The following ADAD1 variants were observed in gnomAD, a reference collection of about 807,000 sequenced individuals.
ADAD1 encodes adenosine deaminase domain-containing protein 1.
Under a neutral mutation model 66.8 loss-of-function variants are expected in ADAD1, and 46 were observed. The ratio of observed to expected loss-of-function variants is 0.69; its 90% confidence interval spans 0.54 to 0.88. ADAD1 has a LOEUF of 0.88. Ranked by LOEUF, ADAD1 falls within the 40% of genes least tolerant of loss-of-function variation. The probability of loss-of-function intolerance (pLI) is 0.00; values close to 1 mark genes in which losing one functional copy is unlikely to be tolerated. For synonymous variants in ADAD1, 248 were observed against 229.4 expected (o/e 1.08, Z -0.73); for missense variants, 617 against 681.8 (o/e 0.91, Z 1.06).
intron 10 of ADAD1, among the ~76,000 whole-genome samples, chr4:122,414,804 C>A (rs1055417951): frequency 3.3e-5 from 5 of 152,090 alleles, no homozygotes; most frequent in African/African-American, 1.2e-4. Flanking sequence ...AGTAACATTG[C>A]ATCTTTTTGA....
chr4:122,412,503 A>C, intron 9 of ADAD1, 77 bp from the exon 10 acceptor site: 49 of 1,150,992 alleles, frequency 4.3e-5, no homozygotes, highest in Middle Eastern at 2.5e-4. Context: ...ATGTTACAGA[A>C]CAGCTGTTAG....
chr4:122,380,368 T>C, intron 3 of ADAD1, 127 bp downstream of exon 3: 2 of 1,131,668 alleles, frequency 1.8e-6, no homozygotes, highest in Non-Finnish European at 1.2e-6. Context: ...GCCGTGTACC[T>C]GGAGCTGGCA....
chr4:122,411,995 G>A (rs1796487705), intron 9 of ADAD1, among the ~76,000 whole-genome samples: 1 of 152,044 alleles, frequency 6.6e-6, no homozygotes, highest in Admixed American at 6.6e-5. Context: ...TTGCTTTGAT[G>A]AATGAATATC....
chr4:122,413,851 C>CATATATATATATATATAT lies in ADAD1; in HGVS notation c.1249+1051_1249+1068dup, dbSNP rs377322878. Among the ~76,000 whole-genome samples the CATATATATATATATATAT allele has an allele frequency of 4.2e-3, 527 of 126,488 alleles. 13 individuals are homozygous for CATATATATATATATATAT. Among genetic ancestry groups the CATATATATATATATATAT allele is most frequent in the Middle Eastern group, 0.012 (3 of 242 alleles). The allele number at this position is 126,488 out of a possible 152,430, so 83.0% of individuals were successfully genotyped here. A position where few individuals can be genotyped will look rare whatever the true frequency, so the allele number is the denominator to read the frequency against. ...TTTCACGCTGCTGCTTATGATAGAT[C>CATATATATATATATATAT]ATATATATATATATATATATATATA... On this transcript the variant is annotated intron_variant, in intron 10 of 12. Coordinates refer to ENST00000296513, the MANE Select transcript of ADAD1 (RefSeq NM_139243.4).
intron 10 of ADAD1, among the ~76,000 whole-genome samples, chr4:122,415,039 A>G (rs536700873): frequency 6.6e-6 from 1 of 152,276 alleles, no homozygotes; most frequent in African/African-American, 2.4e-5. Context: ...AAATCAGCAT[A>G]CAATGCGGTC....
Position 122,383,914 on chromosome 4 carries a change from T to C in ADAD1, c.477T>C (p.Leu159=), listed in dbSNP as rs1460170294. 2 of 1,613,922 alleles carry C rather than the reference T, an allele frequency of 1.2e-6. No individual in the cohort carries two copies. The highest frequency in any genetic ancestry group is 1.7e-5 in the Admixed American group (1 of 60,002). The change falls in exon 5 of 13, where the codon CTT becomes CTC. Residue 159 remains leucine, a synonymous_variant. Coordinates refer to ENST00000296513, the MANE Select transcript of ADAD1 (RefSeq NM_139243.4). ...ESRSNAAKLA[L]DELLQLDEPE... ...GATCCAATGCAGCAAAATTAGCTCT[T>C]GATGAGCTTCTACAACTGGATGAAC...
In ADAD1 at chr4:122,415,570, G is replaced by T. The variant is rs184368644; in HGVS notation, c.1441G>T (p.Val481Phe). 9.2e-5 allele frequency: 148 copies of T among 1,613,892 alleles called. 1 individual carries two copies. The East Asian group carries it at 3.1e-3, about 34-fold the overall frequency. ...GAGTCTGAATTGGGCACAAGGAGATGTTTCTTTGGAGATTGTGGATGGCCT... is the reference window on the plus strand; with the variant it reads ...GAGTCTGAATTGGGCACAAGGAGATTTTTCTTTGGAGATTGTGGATGGCCT... ...FLSLNWAQGD[V>F]SLEIVDGLSG... The change falls in exon 11 of 13, where the codon GTT becomes TTT. Residue 481 changes from valine (V) to phenylalanine (F), a missense_variant. Physicochemically the swap from Val to Phe is conservative, Grantham distance 50. Transcript: ENST00000296513.
In ADAD1 at chr4:122,422,310, A is replaced by G. The variant is rs138465598; in HGVS notation, c.1617+920A>G. 8.5e-3 allele frequency among the ~76,000 whole-genome samples: 1,286 copies of G among 152,186 alleles called. 22 individuals are homozygous for G. Among genetic ancestry groups the G allele is most frequent in the African/African-American group, 0.03 (1,239 of 41,510 alleles). ...GGGCTAATTTTTGTACTTTCAGTAG[A>G]GACGGGGTTTCGCCATGTTGGCCGG... On this transcript the variant is annotated intron_variant, in intron 12 of 12. Transcript: ENST00000296513.
intron 4 of ADAD1, among the ~76,000 whole-genome samples, chr4:122,383,427 T>C (rs1795000416): frequency 6.6e-6 from 1 of 152,234 alleles, no homozygotes; most frequent in African/African-American, 2.4e-5. Flanking sequence ...GTTTTAAAGA[T>C]GTGAGATGTT....
chr4:122,393,750 T>C, intron 6 of ADAD1, 93 bp downstream of exon 6: 1 of 946,662 alleles, frequency 1.1e-6, no homozygotes, highest in Non-Finnish European at 1.5e-6. Flanking sequence ...TATGAAAATG[T>C]ACATTAACAC....
intron 12 of ADAD1, among the ~76,000 whole-genome samples, chr4:122,428,559 C>A (rs1343058647): frequency 1.3e-5 from 2 of 152,140 alleles, no homozygotes; most frequent in African/African-American, 2.4e-5. Context: ...GAATATTATA[C>A]CCCTGCAATG....
chr4:122,412,185 A>G (rs1162157186), intron 9 of ADAD1, among the ~76,000 whole-genome samples: 1 of 152,168 alleles, frequency 6.6e-6, no homozygotes, highest in Non-Finnish European at 1.5e-5. Context: ...ATAATTTTGC[A>G]TTTTTATTGA....
chr4:122,401,868 C>G (rs1387252833), intron 7 of ADAD1, among the ~76,000 whole-genome samples: 3 of 151,756 alleles, frequency 2.0e-5, no homozygotes, highest in African/African-American at 7.3e-5. Flanking sequence ...ACCTCTTTAC[C>G]TTATGTGAGT....
At chr4:122,419,074 C>G (rs979136096) in intron 11 of ADAD1, among the ~76,000 whole-genome samples, 5 of 152,206 alleles carry the variant, frequency 3.3e-5, no homozygotes, top group Admixed American at 2.0e-4. Context: ...AAGACACTTG[C>G]ACGCATATGC....
intron 11 of ADAD1, 86 bp downstream of exon 11, chr4:122,415,702 T>A: frequency 8.9e-7 from 1 of 1,124,312 alleles, no homozygotes; most frequent in Non-Finnish European, 1.3e-6. Context: ...CTCTTTTGGA[T>A]ACTATTTATT....
In ADAD1 at chr4:122,394,128, C is replaced by G. The variant is rs148799458; in HGVS notation, c.598+471C>G. The stretch of plus-strand genomic sequence containing the variant: ...TTCTCTGTGTACCTTTTTTACTCAT[C>G]TATGAGATAGTCATTACGGTAATTA... On this transcript the variant is annotated intron_variant, in intron 6 of 12. Transcript: ENST00000296513. Among the ~76,000 whole-genome samples, 12 of 152,216 alleles carry G rather than the reference C, an allele frequency of 7.9e-5. No homozygotes were observed. In the East Asian group the frequency reaches 2.3e-3, roughly 29 times the overall value.
In ADAD1 at chr4:122,380,151, C is replaced by T. The variant is rs751577570; in HGVS notation, c.82C>T (p.Pro28Ser). Reference protein sequence around the residue: ...QMLKKNLPVQPATKTITTPTG... With the variant: ...QMLKKNLPVQSATKTITTPTG... ...GCTGAAAAAGAACCTGCCAGTTCAA[C>T]CAGCGACAAAGACGATAACTACACC... Residue 28 changes from proline to serine, a missense_variant, in exon 3 of 13, where the codon CCA (proline) becomes TCA (serine). Coordinates refer to ENST00000296513, the MANE Select transcript of ADAD1 (RefSeq NM_139243.4). The T allele has an allele frequency of 1.2e-6, 2 of 1,614,144 alleles. No homozygotes were observed. Among genetic ancestry groups the T allele is most frequent in the Non-Finnish European group, 1.7e-6 (2 of 1,180,034 alleles).
chr4:122,429,064 ATATTT>A (rs1388667159), intron 12 of ADAD1, among the ~76,000 whole-genome samples: 2 of 151,542 alleles, frequency 1.3e-5, no homozygotes, highest in African/African-American at 4.9e-5. Flanking sequence ...TTCCTTCTTT[ATATTT>A]TGTCTGTTTT....
At chr4:122,388,063 G>A (rs1795261171) in intron 5 of ADAD1, among the ~76,000 whole-genome samples, 1 of 151,948 alleles carries the variant, frequency 6.6e-6, no homozygotes, top group African/African-American at 2.4e-5. Context: ...CCGGCTGAGA[G>A]TTTTTAACAT....
Sources: allele counts gnomAD v4.1 joint callset (sites outside exome capture counted in the v4.1 genomes callset), GRCh38; gene constraint gnomAD v4.1.1; transcripts MANE v1.5; gene names NCBI Gene and HGNC (gene_info 2026-07-23, HGNC 2026-07-21).